The following PTAR1 variants were observed in gnomAD, a reference collection of about 807,000 sequenced individuals.
The protein encoded by PTAR1 is protein prenyltransferase alpha subunit repeat containing 1.
Under a neutral mutation model 45.5 loss-of-function variants are expected in PTAR1, and 17 were observed. That is an observed-to-expected ratio of 0.37 (90% CI 0.26 to 0.56). PTAR1 has a LOEUF of 0.56. PTAR1 is among the 20% of genes least tolerant of loss of function. The pLI, the probability that PTAR1 is intolerant of heterozygous loss-of-function variation, is 0.77. For synonymous variants in PTAR1, 169 were observed against 171.3 expected, an observed-to-expected ratio of 0.99 and a Z score of 0.11; for missense variants, 391 against 476.3, an observed-to-expected ratio of 0.82 and a Z score of 1.67.
intron 3 of PTAR1, among the ~76,000 whole-genome samples, chr9:69,741,249 C>T (rs141400546): frequency 6.6e-6 from 1 of 152,262 alleles, no homozygotes; most frequent in African/African-American, 2.4e-5. Flanking sequence ...TATACAACTA[C>T]TTGGACACAA....
rs533924415 is a variant in PTAR1, at chr9:69,716,168, G to A, written c.*2174C>T. 3 of 152,186 alleles carry A rather than the reference G, an allele frequency of 2.0e-5. No individual in the cohort carries two copies. The highest frequency in any genetic ancestry group is 6.6e-5 in the Admixed American group (1 of 15,266). The allele number at this position is 152,186 out of a possible 1,614,324, so 9.4% of individuals were successfully genotyped here. A position where few individuals can be genotyped will look rare whatever the true frequency, so the allele number is the denominator to read the frequency against. ...TGAAAAATGATTTTTAGGAAAAAAGGTAATACTGAGTTAGGCCAGAATCTG... is the reference window on the plus strand; with the variant it reads ...TGAAAAATGATTTTTAGGAAAAAAGATAATACTGAGTTAGGCCAGAATCTG... On this transcript the variant is annotated 3_prime_UTR_variant, in exon 8 of 8. Transcript: ENST00000340434.
At chr9:69,751,485 T>C (rs962190360) in intron 1 of PTAR1, among the ~76,000 whole-genome samples, 1 of 152,078 alleles carries the variant, frequency 6.6e-6, no homozygotes, top group South Asian at 2.1e-4. Flanking sequence ...GCACAAATCC[T>C]TTTGTATAAT....
intron 1 of PTAR1, among the ~76,000 whole-genome samples, chr9:69,755,649 C>CA (rs1286239321): frequency 1.3e-5 from 2 of 152,004 alleles, no homozygotes; most frequent in African/African-American, 2.4e-5. Flanking sequence ...CTCCCACCCC[C>CA]CAAAAGAACT....
At position 69,716,893 on chromosome 9, in the gene PTAR1, T is replaced by C. The variant is rs963416514; in HGVS notation, c.*1449A>G. The C allele has an allele frequency of 2.0e-5, 3 of 152,004 alleles. No individual in the cohort carries two copies. The highest frequency in any genetic ancestry group is 4.1e-4 in the South Asian group (2 of 4,826). 9.4% of individuals were successfully genotyped at this position (152,004 alleles called of 1,614,324 possible). A position where few individuals can be genotyped will look rare whatever the true frequency, so the allele number is the denominator to read the frequency against. On this transcript the variant is annotated 3_prime_UTR_variant, in exon 8 of 8. Coordinates refer to ENST00000340434, the MANE Select transcript of PTAR1 (RefSeq NM_001099666.2). ...CCCCTGAAGTAAGAAAGGAAAGGTATACAAAAATGACACACAAAAGTGACA... is the reference window on the plus strand; with the variant it reads ...CCCCTGAAGTAAGAAAGGAAAGGTACACAAAAATGACACACAAAAGTGACA...
intron 5 of PTAR1, 99 bp downstream of exon 5, chr9:69,732,040 A>C (rs1408339057): frequency 2.6e-6 from 2 of 777,090 alleles, no homozygotes; most frequent in African/African-American, 3.5e-5. Flanking sequence ...CCAGACCATC[A>C]GTTTCTCTAC....
At chr9:69,753,962 T>C (rs1413162027) in intron 1 of PTAR1, among the ~76,000 whole-genome samples, 5 of 152,152 alleles carry the variant, frequency 3.3e-5, no homozygotes, top group Non-Finnish European at 7.4e-5. Flanking sequence ...GATCCACCAG[T>C]AGAGTTCATT....
chr9:69,726,290 C>G (rs116877310), intron 5 of PTAR1, among the ~76,000 whole-genome samples: 1 of 152,122 alleles, frequency 6.6e-6, no homozygotes, highest in Non-Finnish European at 1.5e-5. Context: ...CTGGGATATT[C>G]TTTTGTACCA....
intron 5 of PTAR1, among the ~76,000 whole-genome samples, chr9:69,730,719 T>C (rs573637771): frequency 1.3e-5 from 2 of 151,542 alleles, no homozygotes; most frequent in South Asian, 4.2e-4. Flanking sequence ...TTCAATTTGT[T>C]GAGAGCAAAC....
chr9:69,732,102 G>C, intron 5 of PTAR1, 37 bp downstream of exon 5: 1 of 1,475,278 alleles, frequency 6.8e-7, no homozygotes, highest in Non-Finnish European at 9.4e-7. Flanking sequence ...TTTAAGGGCA[G>C]ACAGGCAGTC....
chr9:69,716,555 T>A lies in PTAR1; in HGVS notation c.*1787A>T, dbSNP rs1158366027. On this transcript the variant is annotated 3_prime_UTR_variant, in exon 8 of 8. Coordinates refer to ENST00000340434, the MANE Select transcript of PTAR1 (RefSeq NM_001099666.2). The stretch of plus-strand genomic sequence containing the variant: ...ATGATGCCAAAGAAAAGGACATATT[T>A]CTTCTTCTTTAAGGCAGTCTACCTA... 1 of 152,124 alleles carries A rather than the reference T, an allele frequency of 6.6e-6. No homozygotes were observed. The highest frequency in any genetic ancestry group is 1.5e-5 in the Non-Finnish European group (1 of 68,010). The allele number at this position is 152,124 out of a possible 1,614,324, so 9.4% of individuals were successfully genotyped here.
chr9:69,755,567 A>G (rs1436508482), intron 1 of PTAR1, among the ~76,000 whole-genome samples: 1 of 152,204 alleles, frequency 6.6e-6, no homozygotes, highest in African/African-American at 2.4e-5. Flanking sequence ...ACCAAACAGA[A>G]AACAGTCCAA....
chr9:69,755,821 G>C (rs894707857), intron 1 of PTAR1, among the ~76,000 whole-genome samples: 12 of 152,122 alleles, frequency 7.9e-5, no homozygotes, highest in African/African-American at 2.9e-4. Flanking sequence ...ATGTTTCACT[G>C]AAATTATATT....
intron 2 of PTAR1, among the ~76,000 whole-genome samples, chr9:69,748,696 T>C (rs1004670991): frequency 1.3e-5 from 2 of 152,154 alleles, no homozygotes; most frequent in African/African-American, 2.4e-5. Context: ...ATTTTAAAGG[T>C]GTAGCATTTT....
At chr9:69,750,071 T>C (rs914376457) in intron 2 of PTAR1, among the ~76,000 whole-genome samples, 2 of 151,892 alleles carry the variant, frequency 1.3e-5, no homozygotes, top group Non-Finnish European at 2.9e-5. Flanking sequence ...AAGTGAGACC[T>C]GAGGTGGGCA....
chr9:69,733,222 A>C (rs1825624946), intron 4 of PTAR1, among the ~76,000 whole-genome samples: 1 of 151,878 alleles, frequency 6.6e-6, no homozygotes, highest in Non-Finnish European at 1.5e-5. Flanking sequence ...CCCTTTCCAA[A>C]CCCCCATACA....
intron 2 of PTAR1, among the ~76,000 whole-genome samples, chr9:69,744,770 CCTCT>C (rs1446287478): frequency 6.6e-6 from 1 of 152,140 alleles, no homozygotes; most frequent in East Asian, 1.9e-4. Flanking sequence ...GCACGCAGGT[CCTCT>C]CTAATACATG....
At chr9:69,720,849 C>T (rs1824964832) in intron 6 of PTAR1, among the ~76,000 whole-genome samples, 1 of 152,126 alleles carries the variant, frequency 6.6e-6, no homozygotes, top group African/African-American at 2.4e-5. Context: ...ATTTTGATCC[C>T]ACTGTTGAGA....
chr9:69,730,189 G>GA, intron 5 of PTAR1, among the ~76,000 whole-genome samples: 1 of 152,162 alleles, frequency 6.6e-6, no homozygotes, highest in Non-Finnish European at 1.5e-5. Flanking sequence ...GTGGTGAATG[G>GA]AAGAATGGTA....
In PTAR1 at chr9:69,750,739, C is replaced by T. The variant is rs369526250; in HGVS notation, c.256+42G>A. On this transcript the variant is annotated intron_variant, in intron 2 of 7. Transcript: ENST00000340434. ...GGGCTCTTCCTACTATATTCCATGT[C>T]GCTTCTAAAAACCAAATGAAGAAAA... 2.0e-4 allele frequency: 285 copies of T among 1,444,908 alleles called. 2 individuals are homozygous for T. The South Asian group carries it at 3.1e-3, about 16-fold the overall frequency. The allele number at this position is 1,444,908 out of a possible 1,614,324, so 89.5% of individuals were successfully genotyped here.
Sources: gnomAD v4.1 joint callset for allele counts (sites outside exome capture counted in the v4.1 genomes callset) on GRCh38, gnomAD v4.1.1 for gene constraint, MANE v1.5 for transcripts, NCBI Gene and HGNC (gene_info 2026-07-23, HGNC 2026-07-21) for gene names.